BLTP1: variants seen among roughly 807,000 people sequenced by gnomAD.
The protein encoded by BLTP1 is fragile site-associated protein.
chr4:122,336,119 T>C, the BLTP1 span: 6 of 1,268,056 alleles, frequency 4.7e-6, no homozygotes, highest in African/African-American at 6.1e-5. Context: ...GATTAAACTT[T>C]AATATAATTC....
chr4:122,224,658 C>T, the BLTP1 span: 23 of 1,614,038 alleles, frequency 1.4e-5, no homozygotes, highest in African/African-American at 2.0e-4. Flanking sequence ...AGTCTTACAG[C>T]TAAGGTCACA....
chr4:122,266,035 T>A, the BLTP1 span, among the ~76,000 whole-genome samples: 1 of 151,802 alleles, frequency 6.6e-6, no homozygotes, highest in African/African-American at 2.4e-5. Context: ...ATCACTAAGG[T>A]AGAATGTGTA....
chr4:122,356,534 A>C, the BLTP1 span: 1 of 1,338,336 alleles, frequency 7.5e-7, no homozygotes, highest in African/African-American at 1.5e-5. Flanking sequence ...GTTGCATTTC[A>C]TGTGGATGCA....
At chr4:122,282,066 TA>T in the BLTP1 span, 1 of 979,976 alleles carries the variant, frequency 1.0e-6, no homozygotes, top group Non-Finnish European at 1.2e-6. Flanking sequence ...CTACATCTAT[TA>T]AGTTTTTAAT....
the BLTP1 span, chr4:122,356,985 T>C: frequency 1.0e-6 from 1 of 983,606 alleles, no homozygotes; most frequent in Non-Finnish European, 1.2e-6. Flanking sequence ...CATTATCTTA[T>C]GTACATTTTC....
chr4:122,322,227 G>C, the BLTP1 span, among the ~76,000 whole-genome samples: 1 of 150,540 alleles, frequency 6.6e-6, no homozygotes. Flanking sequence ...TGTTTTTTTA[G>C]TCTCTGTTCT....
chr4:122,317,344 AG>A, the BLTP1 span, among the ~76,000 whole-genome samples: 1 of 151,726 alleles, frequency 6.6e-6, no homozygotes, highest in Admixed American at 6.6e-5. Context: ...AAAAAAAAAA[AG>A]GCATGAAATC....
the BLTP1 span, chr4:122,264,489 G>T: frequency 1.4e-6 from 2 of 1,426,276 alleles, no homozygotes; most frequent in South Asian, 1.5e-5. Flanking sequence ...TTAGCAACTG[G>T]AACCTCCAAT....
At chr4:122,332,921 G>A in the BLTP1 span, among the ~76,000 whole-genome samples, 1 of 69,824 alleles carries the variant, frequency 1.4e-5, no homozygotes, top group African/African-American at 5.5e-5. Context: ...GAGAATGATG[G>A]TTTCCAATTT....
chr4:122,166,020 A>G, the BLTP1 span, among the ~76,000 whole-genome samples: 147 of 152,002 alleles, frequency 9.7e-4, no homozygotes, highest in African/African-American at 3.4e-3. Flanking sequence ...CCATTCTGTA[A>G]GTTGCCTGTT....
the BLTP1 span, among the ~76,000 whole-genome samples, chr4:122,357,568 C>CA: frequency 0.095 from 7,590 of 80,142 alleles, 224 homozygotes; most frequent in Middle Eastern, 0.15. Flanking sequence ...GATCCTGTCT[C>CA]AAAAAAAAAA....
the BLTP1 span, among the ~76,000 whole-genome samples, chr4:122,164,894 A>G: frequency 2.0e-5 from 3 of 152,164 alleles, no homozygotes; most frequent in African/African-American, 7.2e-5. Flanking sequence ...TATCACATTC[A>G]TGGTGATATG....
chr4:122,189,105 GAGTA>G, the BLTP1 span: 1 of 957,498 alleles, frequency 1.0e-6, no homozygotes, highest in Non-Finnish European at 1.2e-6. Context: ...AAATTATAGA[GAGTA>G]AGATGAAAAA....
At chr4:122,236,691 A>AATATT in the BLTP1 span, 9,816 of 843,262 alleles carry the variant, frequency 0.012, 195 homozygotes, top group African/African-American at 0.079. Flanking sequence ...CTCAAGAAAG[A>AATATT]ATATTTGCAG....
the BLTP1 span, chr4:122,279,970 G>A: frequency 6.9e-3 from 11,142 of 1,613,948 alleles, 662 homozygotes; most frequent in African/African-American, 0.13. Context: ...TAATCAGACA[G>A]CCTTCTACAG....
chr4:122,291,740 A>G, the BLTP1 span: 7 of 978,646 alleles, frequency 7.2e-6, no homozygotes, highest in African/African-American at 1.7e-5. Flanking sequence ...GGCCAGGTAT[A>G]TATTTGTTGA....
the BLTP1 span, among the ~76,000 whole-genome samples, chr4:122,332,260 TA>T: frequency 6.6e-6 from 1 of 151,946 alleles, no homozygotes; most frequent in Non-Finnish European, 1.5e-5. Context: ...GAGGCTTTTA[TA>T]AAATATGAGA....
At chr4:122,347,899 C>CAA in the BLTP1 span, 2,218 of 401,994 alleles carry the variant, frequency 5.5e-3, 10 homozygotes, top group African/African-American at 0.024. Flanking sequence ...TATGACACGT[C>CAA]AAAAAAAAAA....
At chr4:122,231,575 A>G in the BLTP1 span, 1 of 822,684 alleles carries the variant, frequency 1.2e-6, no homozygotes, top group Non-Finnish European at 1.5e-6. Flanking sequence ...TTATTTTCAT[A>G]TATGACTTTA....
Sources: allele counts gnomAD v4.1 joint callset (sites outside exome capture counted in the v4.1 genomes callset), GRCh38; gene constraint gnomAD v4.1.1; transcripts MANE v1.5; gene names NCBI Gene and HGNC (gene_info 2026-07-23, HGNC 2026-07-21).